The following CCDC12 variants were observed in gnomAD, a reference collection of about 807,000 sequenced individuals.
CCDC12 encodes coiled-coil domain containing 12.
A neutral mutation model predicts 25.7 loss-of-function variants in CCDC12; 28 were observed. The ratio of observed to expected loss-of-function variants is 1.09; its 90% confidence interval spans 0.81 to 1.50. The LOEUF is 1.50. Among genes scored for constraint, CCDC12 ranks in the 40% most tolerant of loss-of-function variants. The pLI is 0.00. For synonymous variants in CCDC12, 75 were observed against 87.7 expected, an observed-to-expected ratio of 0.86 and a Z score of 0.81; for missense variants, 198 against 210.0, an observed-to-expected ratio of 0.94 and a Z score of 0.35.
At chr3:46,980,029 G>C (rs1374700645), upstream of CCDC12, 313 of 2,272 alleles carry the variant, frequency 0.14, 3 homozygotes, top group Admixed American at 0.21. Flanking sequence ...CGCGCGCGCG[G>C]GCGCGCGCGC....
intron 1 of CCDC12, 105 bp from the exon 2 acceptor site, chr3:46,941,170 G>C: frequency 9.5e-7 from 1 of 1,052,960 alleles, no homozygotes. Flanking sequence ...GGGGGCACCT[G>C]GCAGGGCCCA....
In CCDC12 at chr3:46,925,549, G is replaced by T; in HGVS notation, c.165-14C>A. 2 of 1,553,428 alleles carry T rather than the reference G, an allele frequency of 1.3e-6. No individual in the cohort carries two copies. The highest frequency in any genetic ancestry group is 1.7e-6 in the Non-Finnish European group (2 of 1,143,328). ...AGCCTAAGTTCCCTGCAAGAATAGA[G>T]GGAACAAGCAGAGATGAAGTCAGTG... On this transcript the variant is annotated splice_polypyrimidine_tract_variant and intron_variant, in intron 2 of 6. Coordinates refer to ENST00000683445, the MANE Select transcript of CCDC12 (RefSeq NM_001277074.2).
chr3:46,977,449 G>T (rs1559570963), upstream of CCDC12, among the ~76,000 whole-genome samples: 1 of 137,584 alleles, frequency 7.3e-6, no homozygotes, highest in Non-Finnish European at 1.5e-5. Context: ...CTCCAGCCTG[G>T]CAGCAGAGCA....
rs35148258 is a variant in CCDC12 at position 46,933,926 on chromosome 3, A to ATT, written c.164+7070_164+7071dup. 3.2e-3 allele frequency among the ~76,000 whole-genome samples: 479 copies of ATT among 147,758 alleles called. 2 individuals are homozygous for ATT. Among genetic ancestry groups the ATT allele is most frequent in the Non-Finnish European group, 3.5e-3 (234 of 66,864 alleles). On this transcript the variant is annotated intron_variant, in intron 2 of 6. Transcript: ENST00000683445. ...TAATTTATGTAAATATCAATTGAAA[A>ATT]TTTTTTTTTTTTTGAGATGGAGTCT...
intron 1 of CCDC12, among the ~76,000 whole-genome samples, chr3:46,947,758 C>A (rs1359930048): frequency 2.0e-5 from 3 of 152,230 alleles, no homozygotes; most frequent in African/African-American, 7.2e-5. Flanking sequence ...CTGACACCAA[C>A]TACAGCAGGC....
At chr3:46,963,671 T>C (rs545925246) in intron 1 of CCDC12, among the ~76,000 whole-genome samples, 3 of 152,386 alleles carry the variant, frequency 2.0e-5, no homozygotes, top group South Asian at 4.1e-4. Flanking sequence ...TTGGCCGGGC[T>C]GGTCTCCAGC....
chr3:46,934,304 C>G (rs989846747), intron 2 of CCDC12, among the ~76,000 whole-genome samples: 14 of 152,230 alleles, frequency 9.2e-5, no homozygotes, highest in Non-Finnish European at 2.9e-5. Flanking sequence ...GTGCTCAACC[C>G]CATAAGGCTG....
intron 1 of CCDC12, among the ~76,000 whole-genome samples, chr3:46,941,282 GCT>G (rs1220342151): frequency 5.3e-5 from 8 of 152,160 alleles, no homozygotes; most frequent in African/African-American, 1.4e-4. Context: ...ATAACTCTTG[GCT>G]GGGCGCGGTG....
intron 4 of CCDC12, 107 bp downstream of exon 4, chr3:46,923,500 G>A: frequency 6.9e-7 from 1 of 1,451,164 alleles, no homozygotes; most frequent in African/African-American, 1.4e-5. Flanking sequence ...GGTGGGAAGG[G>A]AATAAAGAAG....
intron 2 of CCDC12, among the ~76,000 whole-genome samples, chr3:46,936,208 T>C (rs1352610941): frequency 6.6e-6 from 1 of 152,228 alleles, no homozygotes; most frequent in East Asian, 1.9e-4. Context: ...AAGGACTATC[T>C]AATGCAGCAA....
At chr3:46,979,798 CG>C, upstream of CCDC12, 1 of 386,536 alleles carries the variant, frequency 2.6e-6, no homozygotes. Context: ...CGAGGGCAAC[CG>C]GCGGGCGGCG....
chr3:46,962,605 T>C (rs541301263), intron 1 of CCDC12, among the ~76,000 whole-genome samples: 18 of 152,072 alleles, frequency 1.2e-4, no homozygotes, highest in African/African-American at 3.6e-4. Flanking sequence ...GTGAAAGACA[T>C]GAACAGGCAC....
At chr3:46,937,789 C>CAGACCACT (rs2033512136) in intron 2 of CCDC12, among the ~76,000 whole-genome samples, 1 of 152,200 alleles carries the variant, frequency 6.6e-6, no homozygotes, top group African/African-American at 2.4e-5. Flanking sequence ...TCTAAAGTTA[C>CAGACCACT]GTCCACATAG....
Position 46,921,956 on chromosome 3 carries a change from G to T in CCDC12, c.*101C>A. 7.7e-7 allele frequency: 1 copy of T among 1,303,106 alleles called. No homozygotes were observed. Among genetic ancestry groups the T allele is most frequent in the Non-Finnish European group, 1.1e-6 (1 of 919,786 alleles). The allele number at this position is 1,303,106 out of a possible 1,614,324, so 80.7% of individuals were successfully genotyped here. ...TTGATGGGCAGGGAGTCTCTGCTCA[G>T]AAGCCAAACTGGAGGTGATGGCAAG... is the stretch of plus-strand genomic sequence containing the variant. On this transcript the variant is annotated 3_prime_UTR_variant, in exon 7 of 7. Coordinates refer to ENST00000683445, the MANE Select transcript of CCDC12 (RefSeq NM_001277074.2).
At position 46,955,931 on chromosome 3, in the gene CCDC12, C is replaced by T. The variant is rs536484755; in HGVS notation, c.97-14866G>A. Among the ~76,000 whole-genome samples the T allele has an allele frequency of 3.9e-5, 6 of 152,214 alleles. No homozygotes were observed. In the South Asian group the frequency reaches 1.2e-3, roughly 32 times the overall value. ...TTGTGCACACCAGGGCCTCTGGCCC[C>T]CACCAATACCCCGGAATCAGGTATT... On this transcript the variant is annotated intron_variant, in intron 1 of 6. Transcript: ENST00000683445.
chr3:46,939,259 G>A (rs936162134), intron 2 of CCDC12, among the ~76,000 whole-genome samples: 6 of 152,202 alleles, frequency 3.9e-5, no homozygotes, highest in Admixed American at 1.3e-4. Context: ...TCAACACCAT[G>A]TTTGAGATTC....
rs4587 is a variant in CCDC12, at chr3:46,922,012, T to C, written c.*45A>G. 1,061,258 of 1,603,560 alleles carry C rather than the reference T, an allele frequency of 0.66. 353,832 individuals carry two copies. The highest frequency in any genetic ancestry group is 0.81 in the African/African-American group (60,820 of 74,802). The stretch of plus-strand genomic sequence containing the variant: ...CCCCCATCCCTGCCCAAGACCATCC[T>C]CTGCAGGACAGGCCTGATGGGCGAG... On this transcript the variant is annotated 3_prime_UTR_variant, in exon 7 of 7. Coordinates refer to ENST00000683445, the MANE Select transcript of CCDC12 (RefSeq NM_001277074.2).
upstream of CCDC12, among the ~76,000 whole-genome samples, chr3:46,977,607 G>A (rs541691860): frequency 9.2e-5 from 14 of 152,146 alleles, no homozygotes; most frequent in East Asian, 2.7e-3. Flanking sequence ...AAGCCCCTCT[G>A]TGACCACTCT....
chr3:46,940,654 C>A, intron 2 of CCDC12: 1 of 270,198 alleles, frequency 3.7e-6, no homozygotes. Flanking sequence ...CCAGGCAGAG[C>A]TTCACATGCC....
Sources: allele counts gnomAD v4.1 joint callset (sites outside exome capture counted in the v4.1 genomes callset), GRCh38; gene constraint gnomAD v4.1.1; transcripts MANE v1.5; gene names NCBI Gene and HGNC (gene_info 2026-07-23, HGNC 2026-07-21).